ABCC6: variants seen among roughly 807,000 people sequenced by gnomAD.
ABCC6 encodes ATP binding cassette subfamily C member 6.
In ABCC6, 126 loss-of-function variants were observed where a neutral mutation model predicts 169.5. The ratio of observed to expected loss-of-function variants is 0.74; its 90% confidence interval spans 0.64 to 0.86. The LOEUF is 0.86. Ranked by LOEUF, ABCC6 falls within the 40% of genes least tolerant of loss-of-function variation. The pLI is 0.00. For missense variants in ABCC6, 1,733 were observed against 1,927.2 expected (o/e 0.90, Z 1.89); for synonymous variants, 752 against 814.7 (o/e 0.92, Z 1.31).
At chr16:16,186,957 C>T (rs1458674776) in intron 14 of ABCC6, among the ~76,000 whole-genome samples, 167 bp downstream of exon 14, 3 of 152,076 alleles carry the variant, frequency 2.0e-5, no homozygotes, top group South Asian at 2.1e-4. Flanking sequence ...AAGAGCAGCA[C>T]GGTGCCAGTT....
chr16:16,192,552 G>T (rs2047897176), intron 11 of ABCC6, among the ~76,000 whole-genome samples: 1 of 152,150 alleles, frequency 6.6e-6, no homozygotes, highest in Non-Finnish European at 1.5e-5. Flanking sequence ...CATTTTGAAG[G>T]TGATGCCAAG....
chr16:16,155,941 A>C (rs1407231081), intron 27 of ABCC6, among the ~76,000 whole-genome samples: 2 of 149,860 alleles, frequency 1.3e-5, no homozygotes, highest in Non-Finnish European at 3.0e-5. Context: ...TTTGAGATAA[A>C]GTCTTGCTCT....
Position 16,188,890 on chromosome 16 carries a change from G to C in ABCC6, c.1720C>G (p.Leu574Val). 6.2e-7 allele frequency: 1 copy of C among 1,614,180 alleles called. No individual in the cohort carries two copies. The highest frequency in any genetic ancestry group is 8.5e-7 in the Non-Finnish European group (1 of 1,180,032). The change falls in exon 13 of 31, where the codon CTC (leucine) becomes GTC (valine). Residue 574 changes from leucine (L) to valine (V), a missense_variant. Transcript: ENST00000205557. ...GCCTGGGCCTTGTTGAGGATGTTGA[G>C]AACTGTGAGAGTCACAAAGGCTTTC... ...AEKAFVTLTV[L>V]NILNKAQAFL...
chr16:16,202,894 T>G (rs1371760628), intron 8 of ABCC6, among the ~76,000 whole-genome samples: 1 of 152,226 alleles, frequency 6.6e-6, no homozygotes, highest in African/African-American at 2.4e-5. Flanking sequence ...ATGCTGGCTC[T>G]GAGCCTAGGC....
intron 10 of ABCC6, 132 bp downstream of exon 10, chr16:16,197,889 G>A (rs565937433): frequency 6.5e-6 from 7 of 1,081,962 alleles, no homozygotes; most frequent in Non-Finnish European, 9.5e-6. Flanking sequence ...CCTAACCCTG[G>A]GGTCACAGCG....
chr16:16,159,550 A>G lies in ABCC6; in HGVS notation c.3667T>C (p.Trp1223Arg), dbSNP rs1450753285. 1.2e-6 allele frequency: 2 copies of G among 1,614,062 alleles called. No homozygotes were observed. The highest frequency in any genetic ancestry group is 1.7e-5 in the Admixed American group (1 of 60,004). ...TQTLQWVVRN[W>R]TDLENSIVSV... is the part of the protein sequence containing the mutation. ...ACGATGCTGTTCTCTAGGTCTGTCC[A>G]GTTGCGAACAACCCACTGCAGTGTC... The change falls in exon 26 of 31, where the codon TGG becomes CGG. Residue 1223 changes from tryptophan to arginine, a missense_variant. Trp to Arg is a moderately radical substitution (Grantham distance 101, BLOSUM62 -3). Coordinates refer to ENST00000205557, the MANE Select transcript of ABCC6 (RefSeq NM_001171.6).
chr16:16,150,908 T>G, intron 29 of ABCC6, 136 bp from the exon 30 acceptor site: 1 of 1,497,988 alleles, frequency 6.7e-7, no homozygotes, highest in Non-Finnish European at 9.0e-7. Context: ...ACATGGGGTC[T>G]GGGGTCTGTG....
In ABCC6 at chr16:16,175,971, G is replaced by A. The variant is rs2152247433; in HGVS notation, c.2606C>T (p.Thr869Ile). 2 of 1,614,086 alleles carry A rather than the reference G, an allele frequency of 1.2e-6. No individual in the cohort carries two copies. The highest frequency in any genetic ancestry group is 1.7e-6 in the Non-Finnish European group (2 of 1,180,028). Residue 869 changes from threonine to isoleucine, a missense_variant, in exon 20 of 31, where the codon ACC (threonine) becomes ATC (isoleucine). Thr to Ile is a moderately conservative substitution (Grantham distance 89, BLOSUM62 -1). This residue lies in a region of ABCC6 where 1,601 missense variants were observed against 1,635.5 expected (regional missense o/e 0.98). Coordinates refer to ENST00000205557, the MANE Select transcript of ABCC6 (RefSeq NM_001171.6). ...GGTGCCTCTGGGGTCCTTGGTGCTG[G>A]TCCCAGGTTCTGTTTCTGCAAGGTC... ...DRGEGETEPG[T>I]STKDPRGTSA...
intron 30 of ABCC6, 107 bp from the exon 31 acceptor site, chr16:16,150,348 G>A: frequency 6.4e-7 from 1 of 1,562,124 alleles, no homozygotes; most frequent in Non-Finnish European, 8.7e-7. Flanking sequence ...TAGAAGTCCT[G>A]CTTTCCATGC....
At chr16:16,218,043 C>T (rs892676814) in intron 4 of ABCC6, among the ~76,000 whole-genome samples, 7 of 152,262 alleles carry the variant, frequency 4.6e-5, no homozygotes, top group South Asian at 2.1e-4. Flanking sequence ...GAGCCAAGAT[C>T]GTGCCACTGC....
chr16:16,157,090 AT>A (rs1248058374), intron 27 of ABCC6, among the ~76,000 whole-genome samples: 1 of 152,042 alleles, frequency 6.6e-6, no homozygotes, highest in Non-Finnish European at 1.5e-5. Context: ...AAGGGGCCTG[AT>A]GAGGCATCTG....
At chr16:16,171,189 C>A (rs2047053097) in intron 21 of ABCC6, among the ~76,000 whole-genome samples, 1 of 151,806 alleles carries the variant, frequency 6.6e-6, no homozygotes, top group Non-Finnish European at 1.5e-5. Flanking sequence ...CCATACCAAC[C>A]ATGGTAGGGT....
At chr16:16,189,625 C>T (rs1218545899) in intron 12 of ABCC6, among the ~76,000 whole-genome samples, 2 of 152,108 alleles carry the variant, frequency 1.3e-5, no homozygotes, top group Non-Finnish European at 2.9e-5. Context: ...GCCATGTTGG[C>T]CAGGCTGGTC....
At chr16:16,221,551 G>A (rs555467143) in intron 2 of ABCC6, 98 bp downstream of exon 2, 19 of 1,547,558 alleles carry the variant, frequency 1.2e-5, no homozygotes, top group South Asian at 1.1e-4. Flanking sequence ...TCTACACCCC[G>A]ATAGGAGGAG....
intron 26 of ABCC6, among the ~76,000 whole-genome samples, chr16:16,158,424 CCCAT>C (rs1481438429): frequency 7.0e-6 from 1 of 142,692 alleles, no homozygotes; most frequent in Non-Finnish European, 1.6e-5. Flanking sequence ...CCCCATCCCA[CCCAT>C]CCATCCATCC....
At chr16:16,202,886 G>A (rs547645713) in intron 8 of ABCC6, among the ~76,000 whole-genome samples, 1 of 152,330 alleles carries the variant, frequency 6.6e-6, no homozygotes, top group Non-Finnish European at 1.5e-5. Flanking sequence ...GTAAAGCCAT[G>A]CTGGCTCTGA....
intron 17 of ABCC6, 64 bp downstream of exon 17, chr16:16,182,348 C>T (rs778148152): frequency 3.6e-5 from 58 of 1,589,562 alleles, no homozygotes; most frequent in South Asian, 1.1e-4. Context: ...CATGATGAGT[C>T]GGGGACCCAA....
chr16:16,206,538 C>T (rs1208901882), intron 7 of ABCC6, among the ~76,000 whole-genome samples: 3 of 151,924 alleles, frequency 2.0e-5, no homozygotes, highest in Middle Eastern at 3.4e-3. Context: ...CTCAGGAGGA[C>T]GCCCTCTCCC....
chr16:16,173,191 G>T lies in ABCC6; in HGVS notation c.2787+93C>A, dbSNP rs1247214876. On this transcript the variant is annotated intron_variant, in intron 21 of 30. Coordinates refer to ENST00000205557, the MANE Select transcript of ABCC6 (RefSeq NM_001171.6). ...CATAGTAGGTGCTCAAGAAAGGTGA[G>T]TATCACTGCCAAGTGCTACATTTGG... 4 of 1,567,364 alleles carry T rather than the reference G, an allele frequency of 2.6e-6. No homozygotes were observed. In the African/African-American group the frequency reaches 4.1e-5, roughly 16 times the overall value.
Sources: allele counts gnomAD v4.1 joint callset (sites outside exome capture counted in the v4.1 genomes callset), GRCh38; gene constraint gnomAD v4.1.1; regional missense constraint gnomAD v4.1.1; transcripts MANE v1.5; gene names NCBI Gene and HGNC (gene_info 2026-07-23, HGNC 2026-07-21).